The following ZNF827 variants were observed in gnomAD, a reference collection of about 807,000 sequenced individuals.
ZNF827 encodes the protein zinc finger protein 827.
Under a neutral mutation model 102.4 loss-of-function variants are expected in ZNF827, and 13 were observed. The ratio of observed to expected loss-of-function variants is 0.13; its 90% confidence interval spans 0.08 to 0.20. The LOEUF (loss-of-function observed/expected upper bound fraction) is 0.20. Ranked by LOEUF, ZNF827 falls within the 10% of genes least tolerant of loss-of-function variation. The pLI, the probability that ZNF827 is intolerant of heterozygous loss-of-function variation, is 1.00. For missense variants in ZNF827, 1,103 were observed against 1,344.4 expected (o/e 0.82, Z 2.81); for synonymous variants, 523 against 536.2 (o/e 0.98, Z 0.34).
Position 145,775,929 on chromosome 4 carries a change from G to A in ZNF827, c.2553C>T (p.Pro851=). 1 of 1,614,208 alleles carries A rather than the reference G, an allele frequency of 6.2e-7. No homozygotes were observed. The highest frequency in any genetic ancestry group is 1.3e-5 in the African/African-American group (1 of 75,056). The change falls in exon 10 of 15, where the codon CCC becomes CCT. Residue 851 remains proline, a synonymous_variant. Coordinates refer to ENST00000508784, the MANE Select transcript of ZNF827 (RefSeq NM_001306215.2). ...GATTTGCACGGCACTTAGCAGCATA[G>A]GGGCACAAGTGGCATTTGTATTTTC... ...EERKYKCHLC[P]YAAKCRANLN...
At chr4:145,799,757 T>C (rs1740705672) in intron 8 of ZNF827, among the ~76,000 whole-genome samples, 1 of 152,194 alleles carries the variant, frequency 6.6e-6, no homozygotes, top group South Asian at 2.1e-4. Context: ...AGTGATGTGT[T>C]ACATGCCCTT....
chr4:145,799,726 C>A (rs1212085186), intron 8 of ZNF827, among the ~76,000 whole-genome samples: 1 of 152,194 alleles, frequency 6.6e-6, no homozygotes, highest in Non-Finnish European at 1.5e-5. Flanking sequence ...TGATCAAGTT[C>A]TAGACAACAG....
In ZNF827 at chr4:145,892,365, C is replaced by T; in HGVS notation, c.1144G>A (p.Val382Ile). Reference sequence around the variant, plus strand: ...TTCCAGTAACTCTTCCTTTTAATAACCAAACCACATATTGGACACTGGAAA... The same window carrying T: ...TTCCAGTAACTCTTCCTTTTAATAATCAAACCACATATTGGACACTGGAAA... The part of the protein sequence containing the change: ...KPFQCPICGL[V>I]IKRKSYWKRH... The change falls in exon 3 of 15, where the codon GTT (valine) becomes ATT (isoleucine). Residue 382 changes from valine to isoleucine, a missense_variant. Val to Ile is a conservative substitution (Grantham distance 29, BLOSUM62 3). This residue lies in a region of ZNF827 where 20 missense variants were observed against 60.6 expected (regional missense o/e 0.33). Coordinates refer to ENST00000508784, the MANE Select transcript of ZNF827 (RefSeq NM_001306215.2). The T allele has an allele frequency of 6.2e-7, 1 of 1,614,188 alleles. No individual in the cohort carries two copies. Among genetic ancestry groups the T allele is most frequent in the Non-Finnish European group, 8.5e-7 (1 of 1,180,020 alleles).
chr4:145,802,629 A>C (rs1741022878), intron 8 of ZNF827, among the ~76,000 whole-genome samples: 1 of 152,226 alleles, frequency 6.6e-6, no homozygotes, highest in African/African-American at 2.4e-5. Flanking sequence ...CCGATTATAA[A>C]ATTGATTTAG....
At chr4:145,931,994 G>C (rs929829850) in intron 1 of ZNF827, among the ~76,000 whole-genome samples, 1 of 152,192 alleles carries the variant, frequency 6.6e-6, no homozygotes, top group Non-Finnish European at 1.5e-5. Context: ...GATCGTGAGG[G>C]TAGACCTCTC....
chr4:145,878,886 T>C (rs960061239), intron 4 of ZNF827, among the ~76,000 whole-genome samples: 7 of 150,452 alleles, frequency 4.7e-5, no homozygotes, highest in African/African-American at 1.5e-4. Context: ...GGGGCAGTGC[T>C]GGGGAGGAAA....
intron 8 of ZNF827, among the ~76,000 whole-genome samples, chr4:145,792,672 G>T (rs1739875961): frequency 6.6e-6 from 1 of 152,098 alleles, no homozygotes; most frequent in Admixed American, 6.6e-5. Flanking sequence ...GGGATTACAG[G>T]TCTGAGCCAC....
intron 8 of ZNF827, among the ~76,000 whole-genome samples, chr4:145,810,287 A>G (rs1394578604): frequency 6.6e-6 from 1 of 152,212 alleles, no homozygotes; most frequent in Non-Finnish European, 1.5e-5. Context: ...GAAGACGGCT[A>G]GGAATTATTG....
At chr4:145,866,531 T>C (rs1748216813) in intron 5 of ZNF827, among the ~76,000 whole-genome samples, 1 of 152,226 alleles carries the variant, frequency 6.6e-6, no homozygotes, top group Non-Finnish European at 1.5e-5. Flanking sequence ...ATAAATCCAC[T>C]GGGTGAGCAC....
rs888729754 is a variant in ZNF827 at position 145,762,205 on chromosome 4, A to G, written c.*18-607T>C. Among the ~76,000 whole-genome samples the G allele has an allele frequency of 2.0e-5, 3 of 152,108 alleles. No homozygotes were observed. Among genetic ancestry groups the G allele is most frequent in the Non-Finnish European group, 4.4e-5 (3 of 68,024 alleles). ...TCTGTGTGAGTGTGTGCATGTGTAC[A>G]TATCTATGTACTCGTAAAACATATC... On this transcript the variant is annotated intron_variant, in intron 14 of 14. Transcript: ENST00000508784. This position sits in a 1 kb window ranked among gnomAD's most constrained non-coding sequence, Gnocchi z 4.9.
chr4:145,821,236 C>T (rs1743116786), intron 8 of ZNF827, among the ~76,000 whole-genome samples: 1 of 152,062 alleles, frequency 6.6e-6, no homozygotes, highest in Admixed American at 6.6e-5. Context: ...AATATTTATT[C>T]AAAAAAATTT....
At chr4:145,931,152 A>G (rs2126994846) in intron 1 of ZNF827, among the ~76,000 whole-genome samples, 1 of 152,308 alleles carries the variant, frequency 6.6e-6, no homozygotes, top group East Asian at 1.9e-4. Context: ...GCAGCCAGAA[A>G]TGTCAGCCCA....
intron 1 of ZNF827, among the ~76,000 whole-genome samples, chr4:145,917,977 GA>G (rs1752789518): frequency 6.6e-6 from 1 of 152,054 alleles, no homozygotes; most frequent in South Asian, 2.1e-4. Context: ...AAAGGAGAGT[GA>G]AAATATATTG....
intron 8 of ZNF827, among the ~76,000 whole-genome samples, chr4:145,788,073 T>G (rs1560924312): frequency 6.6e-6 from 1 of 152,218 alleles, no homozygotes; most frequent in African/African-American, 2.4e-5. Context: ...ACCCACAGTC[T>G]GCCTGCTCCT....
At chr4:145,836,294 C>T (rs570970679) in intron 7 of ZNF827, among the ~76,000 whole-genome samples, 21 of 151,916 alleles carry the variant, frequency 1.4e-4, no homozygotes, top group East Asian at 1.2e-3. Flanking sequence ...ATGGTTAGCG[C>T]GGTCAGAATT....
At chr4:145,828,878 G>A (rs1560970169) in intron 7 of ZNF827, among the ~76,000 whole-genome samples, 1 of 152,154 alleles carries the variant, frequency 6.6e-6, no homozygotes, top group Admixed American at 6.5e-5. Context: ...GATACATTTT[G>A]CTAAGTGCCT....
rs548678094 is a variant in ZNF827, at chr4:145,779,100, A to AT, written c.2521+273dup. 5.2e-4 allele frequency among the ~76,000 whole-genome samples: 79 copies of AT among 152,166 alleles called. 1 individual carries two copies. In the South Asian group the frequency reaches 0.015, roughly 29 times the overall value. ...TTCACTTTCAAGATGAACTCAATAC[A>AT]TTTTTTTTAACAGAGTTTAGGAATT... On this transcript the variant is annotated intron_variant, in intron 9 of 14. Transcript: ENST00000508784.
chr4:145,762,864 GC>G lies in ZNF827; in HGVS notation c.*17+225del, dbSNP rs1734748517. Among the ~76,000 whole-genome samples, 2 of 152,224 alleles carry G rather than the reference GC, an allele frequency of 1.3e-5. 1 individual carries two copies. The highest frequency in any genetic ancestry group is 4.1e-4 in the South Asian group (2 of 4,828). ...TGCAAAAGTGGCTGCCTCAGCTCTT[GC>G]TTGGCTCCTGCAGGGCAGGGCTCAG... On this transcript the variant is annotated intron_variant, in intron 14 of 14. Coordinates refer to ENST00000508784, the MANE Select transcript of ZNF827 (RefSeq NM_001306215.2). The surrounding 1 kb of genome is among the most constrained non-coding windows in gnomAD (Gnocchi z 4.9).
chr4:145,868,022 T>TCATTCTTG (rs1748356849), intron 5 of ZNF827, among the ~76,000 whole-genome samples: 1 of 152,352 alleles, frequency 6.6e-6, no homozygotes, highest in East Asian at 1.9e-4. Context: ...CCTAACATCT[T>TCATTCTTG]CATTCTTGCA....
Sources: allele counts gnomAD v4.1 joint callset (sites outside exome capture counted in the v4.1 genomes callset), GRCh38; gene constraint gnomAD v4.1.1; regional missense constraint gnomAD v4.1.1; non-coding constraint Gnocchi (gnomAD v3.1); transcripts MANE v1.5; gene names NCBI Gene and HGNC (gene_info 2026-07-23, HGNC 2026-07-21).